Variants in DRC11 observed in about 807,000 individuals in gnomAD.
The protein encoded by DRC11 is dynein regulatory complex subunit 11, also known as IQ and AAA domain-containing protein 1.
chr2:236,472,784 G>A, the DRC11 span, among the ~76,000 whole-genome samples: 1 of 152,134 alleles, frequency 6.6e-6, no homozygotes, highest in Non-Finnish European at 1.5e-5. The surrounding 1 kb of genome is among the most constrained non-coding windows in gnomAD (Gnocchi z 4.6). Flanking sequence ...CACTGGTTAA[G>A]TATGTCACTC....
At chr2:236,471,707 T>C in the DRC11 span, among the ~76,000 whole-genome samples, 1 of 152,210 alleles carries the variant, frequency 6.6e-6, no homozygotes, top group Admixed American at 6.5e-5. The surrounding 1 kb of genome is among the most constrained non-coding windows in gnomAD (Gnocchi z 4.6). Flanking sequence ...CCATTTTGCA[T>C]GTATAGAAAC....
the DRC11 span, among the ~76,000 whole-genome samples, chr2:236,455,482 C>T: frequency 0.018 from 2,693 of 152,268 alleles, 136 homozygotes; most frequent in East Asian, 0.092. This position sits in a 1 kb window ranked among gnomAD's most constrained non-coding sequence, Gnocchi z 5.7. Context: ...CCTGAGAGCT[C>T]GGAGATACTA....
chr2:236,467,758 G>T, the DRC11 span, among the ~76,000 whole-genome samples: 3 of 152,106 alleles, frequency 2.0e-5, no homozygotes, highest in African/African-American at 7.2e-5. Flanking sequence ...GTTTAGAAAA[G>T]ACATTAGCAA....
At chr2:236,360,117 T>A in the DRC11 span, among the ~76,000 whole-genome samples, 6,523 of 152,266 alleles carry the variant, frequency 0.043, 197 homozygotes, top group Non-Finnish European at 0.066. This position sits in a 1 kb window ranked among gnomAD's most constrained non-coding sequence, Gnocchi z 5.8. Flanking sequence ...CTGTCCTAGA[T>A]TCACACCAGG....
chr2:236,324,702 C>T, the DRC11 span: 245 of 1,585,014 alleles, frequency 1.5e-4, no homozygotes, highest in Non-Finnish European at 3.5e-5. The surrounding 1 kb of genome is among the most constrained non-coding windows in gnomAD (Gnocchi z 5.7). Context: ...TTCCTTTTCC[C>T]TTTGTCCTTT....
chr2:236,415,481 G>A, the DRC11 span, among the ~76,000 whole-genome samples: 1 of 152,190 alleles, frequency 6.6e-6, no homozygotes, highest in African/African-American at 2.4e-5. The surrounding 1 kb of genome is among the most constrained non-coding windows in gnomAD (Gnocchi z 5.7). Flanking sequence ...CTCTAGGGTT[G>A]ATACCAGAGT....
At chr2:236,506,909 C>G in the DRC11 span, among the ~76,000 whole-genome samples, 2 of 152,120 alleles carry the variant, frequency 1.3e-5, no homozygotes, top group Non-Finnish European at 2.9e-5. The surrounding 1 kb of genome is among the most constrained non-coding windows in gnomAD (Gnocchi z 4.9). Flanking sequence ...TATTTGTTAC[C>G]GTGAAAGATT....
At chr2:236,501,826 T>A in the DRC11 span, among the ~76,000 whole-genome samples, 2 of 152,302 alleles carry the variant, frequency 1.3e-5, no homozygotes, top group Non-Finnish European at 2.9e-5. Context: ...CAGGCTAATT[T>A]TGTTTAGAAC....
At chr2:236,336,191 G>A in the DRC11 span, among the ~76,000 whole-genome samples, 1 of 152,164 alleles carries the variant, frequency 6.6e-6, no homozygotes, top group Non-Finnish European at 1.5e-5. The surrounding 1 kb of genome is among the most constrained non-coding windows in gnomAD (Gnocchi z 7.3). Flanking sequence ...AATTTATCAA[G>A]ACAGAAATAA....
the DRC11 span, among the ~76,000 whole-genome samples, chr2:236,493,181 C>A: frequency 8.5e-5 from 13 of 152,266 alleles, no homozygotes; most frequent in South Asian, 8.3e-4. Flanking sequence ...CTTTATAAAA[C>A]CATCAGATCT....
At chr2:236,459,528 T>TAC in the DRC11 span, among the ~76,000 whole-genome samples, 36 of 95,956 alleles carry the variant, frequency 3.8e-4, no homozygotes, top group African/African-American at 6.1e-4. Flanking sequence ...CATGTATACA[T>TAC]GTATACGTAT....
the DRC11 span, among the ~76,000 whole-genome samples, chr2:236,403,915 T>C: frequency 6.6e-6 from 1 of 152,038 alleles, no homozygotes; most frequent in South Asian, 2.1e-4. Flanking sequence ...CCGATGCCTT[T>C]TACTAGGTGG....
At chr2:236,480,859 CCT>C in the DRC11 span, among the ~76,000 whole-genome samples, 16 of 152,104 alleles carry the variant, frequency 1.1e-4, no homozygotes, top group African/African-American at 3.9e-4. Context: ...GTTTTGGTTT[CCT>C]TTTGATATGT....
the DRC11 span, among the ~76,000 whole-genome samples, chr2:236,341,980 G>C: frequency 6.6e-6 from 1 of 152,178 alleles, no homozygotes; most frequent in Non-Finnish European, 1.5e-5. Context: ...TTTCCTGTCC[G>C]CAACAGTGTC....
At chr2:236,433,123 T>C in the DRC11 span, among the ~76,000 whole-genome samples, 1 of 152,110 alleles carries the variant, frequency 6.6e-6, no homozygotes, top group Admixed American at 6.5e-5. Flanking sequence ...GCCTTTTTAG[T>C]CTTTTGTCTG....
At chr2:236,478,578 T>C in the DRC11 span, among the ~76,000 whole-genome samples, 5 of 152,150 alleles carry the variant, frequency 3.3e-5, no homozygotes, top group Non-Finnish European at 5.9e-5. This position sits in a 1 kb window ranked among gnomAD's most constrained non-coding sequence, Gnocchi z 5.9. Flanking sequence ...TTAATTCTCA[T>C]GTTTCTTTGT....
the DRC11 span, among the ~76,000 whole-genome samples, chr2:236,452,987 A>C: frequency 6.6e-6 from 1 of 152,364 alleles, no homozygotes; most frequent in Non-Finnish European, 1.5e-5. The surrounding 1 kb of genome is among the most constrained non-coding windows in gnomAD (Gnocchi z 4.7). Context: ...TAGAAAAATG[A>C]ATACCCAGAG....
At chr2:236,378,326 A>G in the DRC11 span, among the ~76,000 whole-genome samples, 1 of 152,220 alleles carries the variant, frequency 6.6e-6, no homozygotes, top group African/African-American at 2.4e-5. Context: ...ATATACGCAT[A>G]AAATATTAAC....
chr2:236,438,711 AG>A, the DRC11 span, among the ~76,000 whole-genome samples: 1 of 152,112 alleles, frequency 6.6e-6, no homozygotes, highest in Admixed American at 6.6e-5. Flanking sequence ...CTCTGCACCA[AG>A]CGGACCTAAT....
Sources: allele counts gnomAD v4.1 joint callset (sites outside exome capture counted in the v4.1 genomes callset), GRCh38; gene constraint gnomAD v4.1.1; non-coding constraint Gnocchi (gnomAD v3.1); transcripts MANE v1.5; gene names NCBI Gene and HGNC (gene_info 2026-07-23, HGNC 2026-07-21).